The following CPAMD8 variants were observed in gnomAD, a reference collection of about 807,000 sequenced individuals.
The protein encoded by CPAMD8 is C3 and PZP like alpha-2-macroglobulin domain containing 8.
A neutral mutation model predicts 224.7 loss-of-function variants in CPAMD8; 146 were observed. The ratio of observed to expected loss-of-function variants is 0.65; its 90% CI spans 0.57 to 0.75. The LOEUF (loss-of-function observed/expected upper bound fraction) is 0.75, where lower values mean the gene tolerates loss of function less well. Among genes scored for constraint, CPAMD8 ranks in the 30% least tolerant of loss-of-function variants. The probability of loss-of-function intolerance (pLI) is 0.00; values close to 1 mark genes in which losing one functional copy is unlikely to be tolerated. For missense variants in CPAMD8, 2,301 were observed against 2,537.5 expected (o/e 0.91, Z 2.00); for synonymous variants, 966 against 1,044.6 (o/e 0.92, Z 1.45).
intron 22 of CPAMD8, among the ~76,000 whole-genome samples, chr19:16,940,162 T>C (rs1297773900): frequency 1.3e-5 from 2 of 152,198 alleles, no homozygotes; most frequent in Admixed American, 1.3e-4. Flanking sequence ...TCTGCCTGCC[T>C]CAGCCTCCCA....
intron 19 of CPAMD8, among the ~76,000 whole-genome samples, chr19:16,954,130 GGTATACACCCA>G (rs1205379586): frequency 1.3e-5 from 2 of 151,908 alleles, no homozygotes; most frequent in African/African-American, 4.8e-5. Flanking sequence ...CATTCTTTTG[GGTATACACCCA>G]GAAGTAGTGG....
intron 36 of CPAMD8, among the ~76,000 whole-genome samples, chr19:16,900,213 C>T (rs569293899): frequency 3.9e-5 from 6 of 152,136 alleles, no homozygotes; most frequent in South Asian, 2.1e-4. Flanking sequence ...CAGCTGGTCT[C>T]GGCAGAATGT....
At chr19:16,990,660 C>A (rs879630590) in intron 12 of CPAMD8, among the ~76,000 whole-genome samples, 3 of 151,750 alleles carry the variant, frequency 2.0e-5, no homozygotes, top group Non-Finnish European at 2.9e-5. Context: ...GTCAGGAGAT[C>A]GAGACCATCC....
At chr19:16,906,338 CTTTCTT>C (rs1379387378) in intron 30 of CPAMD8, among the ~76,000 whole-genome samples, 7 of 26,892 alleles carry the variant, frequency 2.6e-4, no homozygotes, top group African/African-American at 9.4e-4. Flanking sequence ...CCTTCTTTCC[CTTTCTT>C]TCTTTCTTTC....
chr19:16,970,892 T>TG lies in CPAMD8; in HGVS notation c.2211dup (p.Arg738GlnfsTer23), dbSNP rs756064750. ...CTTGCTCAATGTATAAGCCGTTACC[T>TG]GGGGGGGTGCCTGGAAGGAGCCACT... On this transcript the variant is annotated frameshift_variant and splice_region_variant, in exon 18 of 42. Coordinates refer to ENST00000443236, the MANE Select transcript of CPAMD8 (RefSeq NM_015692.5). LOFTEE classifies it high-confidence loss of function. 1.7e-4 allele frequency: 274 copies of TG among 1,612,758 alleles called. No individual in the cohort carries two copies. The highest frequency in any genetic ancestry group is 1.9e-4 in the Non-Finnish European group (226 of 1,179,606).
intron 22 of CPAMD8, among the ~76,000 whole-genome samples, chr19:16,942,211 C>T (rs1232109905): frequency 6.6e-6 from 1 of 152,130 alleles, no homozygotes; most frequent in Non-Finnish European, 1.5e-5. Context: ...CCTGTAATCC[C>T]AGCACTTTGG....
At chr19:16,974,168 G>T (rs2055169956) in intron 17 of CPAMD8, among the ~76,000 whole-genome samples, 1 of 150,588 alleles carries the variant, frequency 6.6e-6, no homozygotes, top group Admixed American at 6.6e-5. Flanking sequence ...GTCTCGCTCT[G>T]TCGCCCAGGC....
At chr19:17,009,171 C>T in intron 6 of CPAMD8, 132 bp downstream of exon 6, 1 of 1,497,230 alleles carries the variant, frequency 6.7e-7, no homozygotes, top group Admixed American at 1.7e-5. Context: ...ATAGAAGAGG[C>T]CAGGTCCCAG....
chr19:16,895,927 A>ACACACGCGCGCG (rs146763898), intron 41 of CPAMD8: 11 of 581,628 alleles, frequency 1.9e-5, no homozygotes, highest in Admixed American at 6.6e-5. Context: ...ACACACACAC[A>ACACACGCGCGCG]CGCGCGCGTG....
intron 29 of CPAMD8, among the ~76,000 whole-genome samples, chr19:16,909,488 G>A (rs1276605615): frequency 1.3e-5 from 2 of 152,262 alleles, no homozygotes; most frequent in Admixed American, 6.5e-5. Flanking sequence ...AGCTTGCAAT[G>A]AGCCGAGATC....
intron 23 of CPAMD8, among the ~76,000 whole-genome samples, chr19:16,933,145 T>A (rs1345360895): frequency 6.6e-6 from 1 of 151,946 alleles, no homozygotes; most frequent in Non-Finnish European, 1.5e-5. Context: ...GCTATCCAAA[T>A]GCAGAAACAT....
At chr19:16,921,618 G>A (rs1015079034) in intron 27 of CPAMD8, among the ~76,000 whole-genome samples, 1 of 152,144 alleles carries the variant, frequency 6.6e-6, no homozygotes, top group Non-Finnish European at 1.5e-5. Flanking sequence ...AGGAAGCCCA[G>A]GGCATCCAGG....
At chr19:16,894,125 A>C (rs1193689394) in intron 41 of CPAMD8, 1 of 216,428 alleles carries the variant, frequency 4.6e-6, no homozygotes, top group Non-Finnish European at 9.9e-6. Flanking sequence ...CCCAGCTCCA[A>C]GGCTGGGGGG....
chr19:16,945,608 G>C lies in CPAMD8; in HGVS notation c.2734C>G (p.His912Asp). The change falls in exon 22 of 42, where the codon CAC becomes GAC. Residue 912 changes from histidine (H) to aspartate (D), a missense_variant. This residue lies in a region of CPAMD8 where 1,709 missense variants were observed against 1,753.2 expected (regional missense o/e 0.97). Transcript: ENST00000443236. ...GRSSKHPEEN[H>D]ADRRVPIGVD... ...CCGATGGGGACCCTCCTGTCGGCGT[G>C]ATTCTCCTCAGGGTGTTTGCTGGAC... The C allele has an allele frequency of 1.2e-6, 2 of 1,614,198 alleles. No homozygotes were observed. The highest frequency in any genetic ancestry group is 1.7e-6 in the Non-Finnish European group (2 of 1,180,026).
intron 21 of CPAMD8, 41 bp downstream of exon 21, chr19:16,947,033 C>T: frequency 6.5e-7 from 1 of 1,549,444 alleles, no homozygotes; most frequent in Admixed American, 1.9e-5. Flanking sequence ...ACTTTTGTGG[C>T]CTGGAGAGGG....
intron 18 of CPAMD8, among the ~76,000 whole-genome samples, chr19:16,968,182 C>G (rs1403263708): frequency 1.3e-5 from 2 of 152,054 alleles, no homozygotes; most frequent in African/African-American, 4.8e-5. Context: ...GGCCAGCATT[C>G]CAATCTTCCT....
At chr19:16,975,045 G>C (rs766139734) in intron 17 of CPAMD8, 52 bp downstream of exon 17, 2 of 1,568,078 alleles carry the variant, frequency 1.3e-6, no homozygotes, top group Non-Finnish European at 1.7e-6. Flanking sequence ...CTTATTTCTA[G>C]GCAAGAGGAA....
chr19:16,988,695 G>T (rs2055831804), intron 13 of CPAMD8, among the ~76,000 whole-genome samples: 1 of 152,102 alleles, frequency 6.6e-6, no homozygotes, highest in South Asian at 2.1e-4. Context: ...TTGCTGGGGA[G>T]ATAAGGGATC....
intron 9 of CPAMD8, among the ~76,000 whole-genome samples, chr19:17,001,771 G>C (rs1453245294): frequency 6.6e-6 from 1 of 151,614 alleles, no homozygotes; most frequent in Non-Finnish European, 1.5e-5. Context: ...GGGGAAGCCC[G>C]GTTGTTGGGG....
Sources: allele counts gnomAD v4.1 joint callset (sites outside exome capture counted in the v4.1 genomes callset), GRCh38; gene constraint gnomAD v4.1.1; regional missense constraint gnomAD v4.1.1; transcripts MANE v1.5; gene names NCBI Gene and HGNC (gene_info 2026-07-23, HGNC 2026-07-21).